Variants in SLC35F4 observed in about 807,000 individuals in gnomAD.
The protein encoded by SLC35F4 is solute carrier family 35 member F4, also known as chromosome 14 open reading frame 36.
In SLC35F4, 24 loss-of-function variants were observed where a neutral mutation model predicts 44.2. That is an observed-to-expected ratio of 0.54 (90% confidence interval 0.39 to 0.76). The LOEUF (loss-of-function observed/expected upper bound fraction) is 0.76, where lower values mean the gene tolerates loss of function less well. Ranked by LOEUF, SLC35F4 falls within the 30% of genes least tolerant of loss-of-function variation. The pLI is 0.00. For synonymous variants in SLC35F4, 238 were observed against 223.6 expected (o/e 1.06, Z -0.57); for missense variants, 562 against 586.1 (o/e 0.96, Z 0.42).
chr14:57,780,874 T>C lies in SLC35F4; in HGVS notation c.103+84849A>G, dbSNP rs190241335. 7.2e-5 allele frequency among the ~76,000 whole-genome samples: 11 copies of C among 152,034 alleles called. No individual in the cohort carries two copies. The East Asian group carries it at 1.5e-3, about 21-fold the overall frequency. On this transcript the variant is annotated intron_variant, in intron 1 of 7. Transcript: ENST00000556826. ...AACAAGCAAGGCCATATGCAGAACA[T>C]TGAAACTGGACCACTTCCTTATGCC...
intron 1 of SLC35F4, among the ~76,000 whole-genome samples, chr14:57,862,789 G>T (rs1887793051): frequency 6.6e-6 from 1 of 152,114 alleles, no homozygotes; most frequent in South Asian, 2.1e-4. Context: ...TTATCCTGTT[G>T]TAATTTTTCA....
At chr14:57,709,368 T>C (rs1026901659) in intron 1 of SLC35F4, among the ~76,000 whole-genome samples, 1 of 152,128 alleles carries the variant, frequency 6.6e-6, no homozygotes, top group Admixed American at 6.6e-5. Context: ...CACTTCTCAC[T>C]ATGTCCCCTC....
At chr14:57,641,716 T>C (rs2073247907) in intron 1 of SLC35F4, among the ~76,000 whole-genome samples, 1 of 152,042 alleles carries the variant, frequency 6.6e-6, no homozygotes, top group African/African-American at 2.4e-5. Context: ...GTTTTAACAC[T>C]ATAGCTATTA....
chr14:57,913,466 T>C (rs182995812), intron 1 of SLC35F4, among the ~76,000 whole-genome samples: 123 of 152,252 alleles, frequency 8.1e-4, no homozygotes, highest in Admixed American at 3.5e-3. Flanking sequence ...GTGGTTGTCA[T>C]AGAGTTTGCA....
chr14:57,821,128 C>T (rs568815864), intron 1 of SLC35F4, among the ~76,000 whole-genome samples: 6 of 152,268 alleles, frequency 3.9e-5, no homozygotes, highest in African/African-American at 1.4e-4. Context: ...TATAACAAGC[C>T]AAAGGCAAAA....
At chr14:57,892,648 G>A (rs1713828800) in intron 1 of SLC35F4, among the ~76,000 whole-genome samples, 1 of 149,394 alleles carries the variant, frequency 6.7e-6, no homozygotes, top group South Asian at 2.1e-4. Flanking sequence ...ATTAAGCATG[G>A]ATTATACTTT....
chr14:57,852,098 T>C (rs1338144554), intron 1 of SLC35F4, among the ~76,000 whole-genome samples: 2 of 152,162 alleles, frequency 1.3e-5, no homozygotes, highest in East Asian at 1.9e-4. Flanking sequence ...AAGAATCTAA[T>C]GGGCAGAAAA....
At chr14:57,877,238 T>G (rs1888417207) in intron 1 of SLC35F4, among the ~76,000 whole-genome samples, 1 of 152,158 alleles carries the variant, frequency 6.6e-6, no homozygotes, top group South Asian at 2.1e-4. Flanking sequence ...TAGCTCCCAT[T>G]TGTAAGTAAG....
chr14:57,960,567 C>G (rs1281862548), intron 1 of SLC35F4, among the ~76,000 whole-genome samples: 4 of 152,200 alleles, frequency 2.6e-5, no homozygotes, highest in African/African-American at 9.7e-5. Flanking sequence ...GCAATGAACA[C>G]AAACATAATC....
intron 1 of SLC35F4, among the ~76,000 whole-genome samples, chr14:57,752,403 G>T (rs35031754): frequency 6.6e-6 from 1 of 151,872 alleles, no homozygotes; most frequent in Non-Finnish European, 1.5e-5. Flanking sequence ...TGAGTCCATC[G>T]GTCGGCTCTG....
At chr14:57,662,818 C>T (rs2074182379) in intron 1 of SLC35F4, among the ~76,000 whole-genome samples, 2 of 152,176 alleles carry the variant, frequency 1.3e-5, no homozygotes, top group Admixed American at 6.6e-5. Flanking sequence ...TGTTATTCCA[C>T]TAAAGGCTGA....
intron 1 of SLC35F4, among the ~76,000 whole-genome samples, chr14:57,926,736 G>T (rs539690399): frequency 1.1e-4 from 15 of 134,776 alleles, no homozygotes; most frequent in African/African-American, 2.8e-4. Flanking sequence ...GGGGGGGGGG[G>T]GTGGATATAT....
At chr14:57,799,466 T>TA (rs1418231244) in intron 1 of SLC35F4, 7 of 152,348 alleles carry the variant, frequency 4.6e-5, no homozygotes, top group Non-Finnish European at 8.8e-5. Context: ...TACATATCCC[T>TA]AGGAAGGGGG....
chr14:57,701,808 T>C (rs2075549291), intron 1 of SLC35F4, among the ~76,000 whole-genome samples: 1 of 152,154 alleles, frequency 6.6e-6, no homozygotes, highest in Non-Finnish European at 1.5e-5. Context: ...ATAATAAAAG[T>C]TATATGAATG....
At chr14:57,635,710 T>A (rs2072991183) in intron 1 of SLC35F4, among the ~76,000 whole-genome samples, 2 of 152,128 alleles carry the variant, frequency 1.3e-5, no homozygotes, top group African/African-American at 4.8e-5. Context: ...AATGGCAGCT[T>A]AATATGTCAA....
chr14:57,799,869 G>A (rs796747609), intron 1 of SLC35F4, among the ~76,000 whole-genome samples: 4 of 152,326 alleles, frequency 2.6e-5, no homozygotes, highest in South Asian at 4.1e-4. Flanking sequence ...TCCCTGAGAT[G>A]GAGCTCTGAG....
intron 1 of SLC35F4, among the ~76,000 whole-genome samples, chr14:57,719,360 G>GT (rs746418350): frequency 2.0e-5 from 3 of 152,152 alleles, no homozygotes; most frequent in Non-Finnish European, 4.4e-5. Context: ...TGTGAAGACT[G>GT]TCCTTGGTAT....
intron 1 of SLC35F4, among the ~76,000 whole-genome samples, chr14:57,637,944 A>G (rs1210885860): frequency 6.6e-6 from 1 of 152,074 alleles, no homozygotes; most frequent in Non-Finnish European, 1.5e-5. Context: ...ACCAGCATTA[A>G]TGTTAAAATA....
intron 1 of SLC35F4, among the ~76,000 whole-genome samples, chr14:57,762,538 T>C (rs965321366): frequency 1.3e-5 from 2 of 152,174 alleles, no homozygotes; most frequent in Admixed American, 6.6e-5. Flanking sequence ...ATGGTTTGAG[T>C]GTCCCCATCA....
Sources: gnomAD v4.1 joint callset for allele counts (sites outside exome capture counted in the v4.1 genomes callset) on GRCh38, gnomAD v4.1.1 for gene constraint, MANE v1.5 for transcripts, NCBI Gene and HGNC (gene_info 2026-07-23, HGNC 2026-07-21) for gene names.